The following TRIQK variants were observed in gnomAD, a reference collection of about 807,000 sequenced individuals.
The protein encoded by TRIQK is triple QxxK/R motif-containing protein.
A neutral mutation model predicts 10.8 loss-of-function variants in TRIQK; 10 were observed. The ratio of observed to expected loss-of-function variants is 0.92; its 90% CI spans 0.57 to 1.57. TRIQK has a LOEUF of 1.57. Ranked by LOEUF, TRIQK falls within the 40% of genes most tolerant of loss-of-function variation. The pLI is 0.00. For missense variants in TRIQK, 107 were observed against 97.7 expected (o/e 1.09, Z -0.40); for synonymous variants, 33 against 33.7 (o/e 0.98, Z 0.07).
chr8:92,991,556 A>G (rs905557534), intron 1 of TRIQK, among the ~76,000 whole-genome samples: 1 of 152,178 alleles, frequency 6.6e-6, no homozygotes, highest in African/African-American at 2.4e-5. Flanking sequence ...ATCATACTGA[A>G]TGGCCAAAAG....
chr8:92,925,135 G>A (rs754590647), intron 2 of TRIQK, among the ~76,000 whole-genome samples: 120 of 152,060 alleles, frequency 7.9e-4, no homozygotes, highest in Non-Finnish European at 1.6e-3. Context: ...GCCAAACTAC[G>A]GAACTAAAAT....
At chr8:92,916,496 A>G (rs746375840) in intron 3 of TRIQK, among the ~76,000 whole-genome samples, 18 of 152,068 alleles carry the variant, frequency 1.2e-4, no homozygotes, top group Non-Finnish European at 1.9e-4. Context: ...TCAGGTTTCC[A>G]TATAAAAGAA....
chr8:92,994,790 TA>T (rs1333900781), intron 1 of TRIQK, among the ~76,000 whole-genome samples: 1 of 152,006 alleles, frequency 6.6e-6, no homozygotes, highest in Admixed American at 6.6e-5. Context: ...CCTGTCAAAA[TA>T]AATCCCTTAG....
intron 1 of TRIQK, among the ~76,000 whole-genome samples, chr8:92,955,290 C>A (rs1319895273): frequency 6.6e-6 from 1 of 151,680 alleles, no homozygotes; most frequent in Non-Finnish European, 1.5e-5. Context: ...TTAAAAATAG[C>A]AATTTTGGGG....
chr8:92,948,431 A>G (rs963486570), intron 2 of TRIQK, among the ~76,000 whole-genome samples: 4 of 152,208 alleles, frequency 2.6e-5, no homozygotes, highest in African/African-American at 9.6e-5. Flanking sequence ...CTTCCTTTTC[A>G]TGATTAATGT....
intron 4 of TRIQK, among the ~76,000 whole-genome samples, chr8:92,887,527 C>T (rs186203346): frequency 1.2e-3 from 176 of 151,130 alleles, no homozygotes; most frequent in African/African-American, 4.1e-3. Context: ...TGTATACCTT[C>T]CAGAACTTTC....
chr8:92,897,528 C>T (rs1478259359), intron 3 of TRIQK, among the ~76,000 whole-genome samples: 2 of 152,082 alleles, frequency 1.3e-5, no homozygotes, highest in African/African-American at 4.8e-5. Flanking sequence ...GAGCTTGGTC[C>T]CTTTCCTCTT....
chr8:92,990,229 C>T (rs761316171), intron 1 of TRIQK, among the ~76,000 whole-genome samples: 26 of 152,226 alleles, frequency 1.7e-4, no homozygotes, highest in South Asian at 4.1e-4. Context: ...TCTCAAGAAT[C>T]GGGAGCTTCT....
Position 92,883,688 on chromosome 8 carries a change from A to C in TRIQK, c.*2934T>G, listed in dbSNP as rs1413084690. On this transcript the variant is annotated 3_prime_UTR_variant, in exon 5 of 5. Transcript: ENST00000521988. ...TATATGCAGATGACTACACTACTGC[A>C]ATTACAGAAATGAGTAAGAACATAC... The C allele has an allele frequency of 6.6e-6, 1 of 151,748 alleles. No homozygotes were observed. The highest frequency in any genetic ancestry group is 2.4e-5 in the African/African-American group (1 of 41,390). 9.4% of individuals were successfully genotyped at this position (151,748 alleles called of 1,614,324 possible).
chr8:93,008,919 G>A (rs948432185), intron 1 of TRIQK, among the ~76,000 whole-genome samples: 1 of 152,188 alleles, frequency 6.6e-6, no homozygotes, highest in African/African-American at 2.4e-5. Flanking sequence ...ATTGGACTAG[G>A]CAAGGTTTTC....
At chr8:93,001,702 A>T (rs1183722459) in intron 1 of TRIQK, among the ~76,000 whole-genome samples, 3 of 152,250 alleles carry the variant, frequency 2.0e-5, no homozygotes, top group Non-Finnish European at 4.4e-5. Flanking sequence ...GGACTTCAAT[A>T]TACCACTTTC....
intron 2 of TRIQK, among the ~76,000 whole-genome samples, chr8:92,939,538 G>C (rs1811165649): frequency 6.6e-6 from 1 of 152,108 alleles, no homozygotes; most frequent in African/African-American, 2.4e-5. Flanking sequence ...AGGAAGGTAA[G>C]CAATGGCTCC....
At position 92,954,418 on chromosome 8, in the gene TRIQK, C is replaced by T. The variant is rs960585913; in HGVS notation, c.-34G>A. On this transcript the variant is annotated 5_prime_UTR_variant, in exon 2 of 5. Transcript: ENST00000521988. ...CAAATAAACACACCTTGCGTTGTGT[C>T]TTTGATGCTGCCAAGTCTAAACTCT... 24 of 152,020 alleles carry T rather than the reference C, an allele frequency of 1.6e-4. No homozygotes were observed. Among genetic ancestry groups the T allele is most frequent in the Admixed American group, 1.6e-3 (24 of 15,244 alleles). The allele number at this position is 152,020 out of a possible 1,614,324, so 9.4% of individuals were successfully genotyped here.
chr8:92,915,326 T>C (rs1286816903), intron 3 of TRIQK, among the ~76,000 whole-genome samples: 1 of 152,136 alleles, frequency 6.6e-6, no homozygotes, highest in Non-Finnish European at 1.5e-5. Flanking sequence ...TATTGTACAC[T>C]GGATATTTGC....
chr8:93,004,340 G>C (rs757807136), intron 1 of TRIQK, among the ~76,000 whole-genome samples: 1 of 152,202 alleles, frequency 6.6e-6, no homozygotes, highest in Non-Finnish European at 1.5e-5. Context: ...GCTGTACCTT[G>C]ATCCCTTTTA....
rs939285050 is a variant in TRIQK at position 92,918,113 on chromosome 8, C to A, written c.-21-1103G>T. On this transcript the variant is annotated intron_variant, in intron 2 of 4. Transcript: ENST00000521988. ...TGTATAGAGACAACATTTTTGCTAT[C>A]CATTCATCTACTGATGGATGCTAAG... Among the ~76,000 whole-genome samples, 3 of 152,082 alleles carry A rather than the reference C, an allele frequency of 2.0e-5. 1 individual carries two copies. Among genetic ancestry groups the A allele is most frequent in the Admixed American group, 1.3e-4 (2 of 15,256 alleles).
At chr8:92,960,462 T>C (rs1360744068) in intron 1 of TRIQK, 1 of 152,186 alleles carries the variant, frequency 6.6e-6, no homozygotes, top group Admixed American at 6.5e-5. Flanking sequence ...AATCCAAAAA[T>C]GTTCAAGTCC....
At position 92,886,578 on chromosome 8, in the gene TRIQK, C is replaced by G; in HGVS notation, c.*44G>C. Reference sequence around the variant, plus strand: ...TTGAAAGTTTTGGTCCCAAAAGGTGCTTTCGTAAAGTTATTTCTCTTTCAT... The same window carrying G: ...TTGAAAGTTTTGGTCCCAAAAGGTGGTTTCGTAAAGTTATTTCTCTTTCAT... On this transcript the variant is annotated 3_prime_UTR_variant, in exon 5 of 5. Coordinates refer to ENST00000521988, the MANE Select transcript of TRIQK (RefSeq NM_001171797.2). The G allele has an allele frequency of 3.1e-6, 4 of 1,287,520 alleles. No homozygotes were observed. Among genetic ancestry groups the G allele is most frequent in the Non-Finnish European group, 3.2e-6 (3 of 950,346 alleles). 79.8% of individuals were successfully genotyped at this position (1,287,520 alleles called of 1,614,324 possible). A position where few individuals can be genotyped will look rare whatever the true frequency, so the allele number is the denominator to read the frequency against.
intron 1 of TRIQK, among the ~76,000 whole-genome samples, chr8:93,003,955 C>T (rs549684612): frequency 8.7e-4 from 132 of 152,330 alleles, no homozygotes; most frequent in Admixed American, 3.5e-3. Context: ...CTCCCTGTGG[C>T]TTGCAGGGTG....
Sources: allele counts gnomAD v4.1 joint callset (sites outside exome capture counted in the v4.1 genomes callset), GRCh38; gene constraint gnomAD v4.1.1; transcripts MANE v1.5; gene names NCBI Gene and HGNC (gene_info 2026-07-23, HGNC 2026-07-21).